ROR2: variants seen among roughly 807,000 people sequenced by gnomAD.
ROR2 encodes tyrosine-protein kinase transmembrane receptor ROR2.
Under a neutral mutation model 74.9 loss-of-function variants are expected in ROR2, and 33 were observed. The ratio of observed to expected loss-of-function variants is 0.44; its 90% CI spans 0.33 to 0.59. The LOEUF (loss-of-function observed/expected upper bound fraction) is 0.59. ROR2 is among the 20% of genes least tolerant of loss of function. The pLI is 0.02. For missense variants in ROR2, 1,216 were observed against 1,313.8 expected, an observed-to-expected ratio of 0.93 and a Z score of 1.15; for synonymous variants, 586 against 558.7, an observed-to-expected ratio of 1.05 and a Z score of -0.69.
intron 1 of ROR2, among the ~76,000 whole-genome samples, chr9:91,870,360 C>A (rs1254506706): frequency 6.6e-6 from 1 of 152,178 alleles, no homozygotes; most frequent in East Asian, 1.9e-4. Flanking sequence ...TACGGAGCAA[C>A]AGCAGGGTAC....
intron 1 of ROR2, among the ~76,000 whole-genome samples, chr9:91,816,109 C>T (rs1003518247): frequency 1.3e-5 from 2 of 152,148 alleles, no homozygotes; most frequent in Non-Finnish European, 2.9e-5. Context: ...GCCGGTCCAT[C>T]GGTCATCAGT....
chr9:91,849,233 C>T (rs145490012), intron 1 of ROR2, among the ~76,000 whole-genome samples: 254 of 152,286 alleles, frequency 1.7e-3, no homozygotes, highest in African/African-American at 5.9e-3. Flanking sequence ...CTCCCAACTA[C>T]GGTCAGATGA....
chr9:91,746,234 G>A lies in ROR2; in HGVS notation c.495-8716C>T, dbSNP rs377507888. ...TGGGATTACAGGCACGCACCACCAC[G>A]CCTGGCTAATGTTTGTATTTTTAGT... is the stretch of plus-strand genomic sequence containing the variant. On this transcript the variant is annotated intron_variant, in intron 4 of 8. Coordinates refer to ENST00000375708, the MANE Select transcript of ROR2 (RefSeq NM_004560.4). Among the ~76,000 whole-genome samples, 13 of 152,062 alleles carry A rather than the reference G, an allele frequency of 8.5e-5. No homozygotes were observed. The East Asian group carries it at 9.7e-4, about 11-fold the overall frequency.
At chr9:91,761,042 G>C (rs541173635) in intron 2 of ROR2, among the ~76,000 whole-genome samples, 29 of 152,294 alleles carry the variant, frequency 1.9e-4, no homozygotes, top group South Asian at 6.2e-4. Context: ...GCTGTGACAA[G>C]TTACCACAAA....
At chr9:91,901,472 T>C (rs989007968) in intron 1 of ROR2, among the ~76,000 whole-genome samples, 7 of 152,178 alleles carry the variant, frequency 4.6e-5, no homozygotes, top group African/African-American at 1.4e-4. Flanking sequence ...CTCACGTCAT[T>C]TCAAATGTGG....
intron 1 of ROR2, among the ~76,000 whole-genome samples, chr9:91,839,584 G>C (rs1828723468): frequency 6.6e-6 from 1 of 151,608 alleles, no homozygotes; most frequent in Non-Finnish European, 1.5e-5. Flanking sequence ...GAGTGTGTTT[G>C]TGTGTTTCTT....
chr9:91,781,442 AG>A (rs543562363), intron 1 of ROR2, among the ~76,000 whole-genome samples: 28 of 152,358 alleles, frequency 1.8e-4, no homozygotes, highest in Non-Finnish European at 4.0e-4. Flanking sequence ...GCAACAGTTA[AG>A]GAAGAAAAGT....
intron 1 of ROR2, among the ~76,000 whole-genome samples, chr9:91,909,849 T>TG (rs1277624842): frequency 1.9e-5 from 2 of 104,622 alleles, no homozygotes; most frequent in Non-Finnish European, 3.7e-5. Flanking sequence ...TTTGTTTTGT[T>TG]TTTTTTTTTT....
At chr9:91,817,298 G>A (rs560531434) in intron 1 of ROR2, among the ~76,000 whole-genome samples, 3 of 152,342 alleles carry the variant, frequency 2.0e-5, no homozygotes, top group East Asian at 3.9e-4. Flanking sequence ...GGACCCTGGC[G>A]TGCCTCCACC....
intron 1 of ROR2, among the ~76,000 whole-genome samples, chr9:91,900,400 G>A (rs1564027526): frequency 6.6e-6 from 1 of 152,258 alleles, no homozygotes; most frequent in African/African-American, 2.4e-5. Context: ...CCCTGGCGCA[G>A]GCCCCCCCAC....
chr9:91,868,572 C>T (rs901583427), intron 1 of ROR2, among the ~76,000 whole-genome samples: 6 of 152,096 alleles, frequency 3.9e-5, no homozygotes, highest in South Asian at 2.1e-4. Context: ...TAAAAGCAAT[C>T]AGAGAAAAAC....
At chr9:91,792,369 G>A (rs7856496) in intron 1 of ROR2, among the ~76,000 whole-genome samples, 31,777 of 131,644 alleles carry the variant, frequency 0.24, 3,965 homozygotes, top group African/African-American at 0.41. Flanking sequence ...GTGCAGTAGT[G>A]CAATCTCAGC....
At chr9:91,850,719 C>T (rs1587781324) in intron 1 of ROR2, among the ~76,000 whole-genome samples, 1 of 152,306 alleles carries the variant, frequency 6.6e-6, no homozygotes, top group South Asian at 2.1e-4. Context: ...AGGAAATTAA[C>T]GTAACTCGCA....
At chr9:91,907,464 T>C (rs1306186415) in intron 1 of ROR2, among the ~76,000 whole-genome samples, 1 of 152,196 alleles carries the variant, frequency 6.6e-6, no homozygotes, top group Non-Finnish European at 1.5e-5. Context: ...CTTTTTAGGA[T>C]ATCAGCACGT....
At chr9:91,826,800 A>G (rs2119169822) in intron 1 of ROR2, among the ~76,000 whole-genome samples, 1 of 150,238 alleles carries the variant, frequency 6.7e-6, no homozygotes, top group East Asian at 1.9e-4. Flanking sequence ...AAAAAGAAAA[A>G]AGAAAAAAGA....
chr9:91,782,126 C>T (rs963694492), intron 1 of ROR2, among the ~76,000 whole-genome samples: 1 of 152,238 alleles, frequency 6.6e-6, no homozygotes, highest in Non-Finnish European at 1.5e-5. Context: ...GCCGCACCTC[C>T]ACCCCCACCA....
chr9:91,815,370 G>A (rs998086209), intron 1 of ROR2, among the ~76,000 whole-genome samples: 2 of 152,008 alleles, frequency 1.3e-5, no homozygotes, highest in Non-Finnish European at 2.9e-5. Flanking sequence ...GAAACCACAG[G>A]CATTTTCATT....
intron 2 of ROR2, among the ~76,000 whole-genome samples, chr9:91,774,919 A>G (rs1826367028): frequency 6.6e-6 from 1 of 152,216 alleles, no homozygotes; most frequent in Non-Finnish European, 1.5e-5. Context: ...CGCCTATAGG[A>G]CTATTGGGTC....
intron 1 of ROR2, among the ~76,000 whole-genome samples, chr9:91,819,608 T>C (rs1208470831): frequency 6.6e-6 from 1 of 151,402 alleles, no homozygotes; most frequent in Non-Finnish European, 1.5e-5. Flanking sequence ...TGTCTGTGTT[T>C]GTCTGTCTTT....
Sources: gnomAD v4.1 joint callset for allele counts (sites outside exome capture counted in the v4.1 genomes callset) on GRCh38, gnomAD v4.1.1 for gene constraint, MANE v1.5 for transcripts, NCBI Gene and HGNC (gene_info 2026-07-23, HGNC 2026-07-21) for gene names.